BCL2: variants seen among roughly 807,000 people sequenced by gnomAD.
The protein encoded by BCL2 is apoptosis regulator Bcl-2.
A neutral mutation model predicts 14.2 loss-of-function variants in BCL2; 1 was observed. That is an observed-to-expected ratio of 0.07 (90% CI 0.02 to 0.33). The LOEUF (loss-of-function observed/expected upper bound fraction) is 0.33, where lower values mean the gene tolerates loss of function less well. Among genes scored for constraint, BCL2 ranks in the 10% least tolerant of loss-of-function variants. BCL2 has a pLI of 0.99. For missense variants in BCL2, 247 were observed against 305.9 expected, an observed-to-expected ratio of 0.81 and a Z score of 1.44; for synonymous variants, 151 against 137.2, an observed-to-expected ratio of 1.10 and a Z score of -0.70.
chr18:63,201,507 A>G (rs1351281989), intron 2 of BCL2, among the ~76,000 whole-genome samples: 1 of 152,214 alleles, frequency 6.6e-6, no homozygotes, highest in Non-Finnish European at 1.5e-5. Context: ...GTGTCTTCAT[A>G]GTAGAAGGAT....
Position 63,319,350 on chromosome 18 carries a change from G to A in BCL2, c.-463C>T, listed in dbSNP as rs1030907762. 12 of 228,270 alleles carry A rather than the reference G, an allele frequency of 5.3e-5. No homozygotes were observed. The South Asian group carries it at 1.3e-3, about 24-fold the overall frequency. 14.1% of individuals were successfully genotyped at this position (228,270 alleles called of 1,614,324 possible). A position where few individuals can be genotyped will look rare whatever the true frequency, so the allele number is the denominator to read the frequency against. ...GGAGTAAAAATTAGGAGGATTTCCAGATCGATTCCCAGACTTCTGCTTCAC... is the reference window on the plus strand; with the variant it reads ...GGAGTAAAAATTAGGAGGATTTCCAAATCGATTCCCAGACTTCTGCTTCAC... On this transcript the variant is annotated 5_prime_UTR_variant, in exon 1 of 3. Coordinates refer to ENST00000333681, the MANE Select transcript of BCL2 (RefSeq NM_000633.3).
intron 2 of BCL2, among the ~76,000 whole-genome samples, chr18:63,287,332 T>C: frequency 6.6e-6 from 1 of 152,166 alleles, no homozygotes; most frequent in South Asian, 2.1e-4. Context: ...TTTCTCAAGG[T>C]GCTCAACAGA....
chr18:63,170,070 T>C (rs1915185896), intron 2 of BCL2, among the ~76,000 whole-genome samples: 1 of 152,170 alleles, frequency 6.6e-6, no homozygotes, highest in Non-Finnish European at 1.5e-5. Flanking sequence ...GCTTTAAACC[T>C]GGCTCAGTCA....
intron 2 of BCL2, among the ~76,000 whole-genome samples, chr18:63,298,847 G>A (rs1912873907): frequency 6.6e-6 from 1 of 152,104 alleles, no homozygotes. Flanking sequence ...TCTGCATCCT[G>A]CCACCACTTA....
intron 2 of BCL2, among the ~76,000 whole-genome samples, chr18:63,250,328 G>A (rs1024787522): frequency 1.3e-5 from 2 of 152,220 alleles, no homozygotes; most frequent in Admixed American, 1.3e-4. Context: ...AATGAATTAA[G>A]TTAATGAAGT....
intron 2 of BCL2, among the ~76,000 whole-genome samples, chr18:63,213,690 T>G (rs540408899): frequency 6.6e-4 from 101 of 152,272 alleles, no homozygotes; most frequent in Middle Eastern, 3.4e-3. Context: ...GAGAATGCAC[T>G]GAAGAATGAT....
rs991851646 is a variant in BCL2 at position 63,125,816 on chromosome 18, G to A, written c.*2809C>T. 4.6e-6 allele frequency: 1 copy of A among 217,966 alleles called. No homozygotes were observed. The highest frequency in any genetic ancestry group is 6.7e-5 in the East Asian group (1 of 14,990). The allele number at this position is 217,966 out of a possible 1,614,324, so 13.5% of individuals were successfully genotyped here. On this transcript the variant is annotated 3_prime_UTR_variant, in exon 3 of 3. Transcript: ENST00000333681. ...GCAGCCACAATACTGTACAGTTCTG[G>A]GGCCAAGAGGCTGGGCACATTTACT...
At chr18:63,177,570 T>C (rs1386822518) in intron 2 of BCL2, among the ~76,000 whole-genome samples, 1 of 152,246 alleles carries the variant, frequency 6.6e-6, no homozygotes, top group Non-Finnish European at 1.5e-5. Context: ...CCTGGCGCGT[T>C]TAGACAACTG....
intron 2 of BCL2, among the ~76,000 whole-genome samples, chr18:63,230,578 T>C (rs1910663321): frequency 6.6e-6 from 1 of 152,044 alleles, no homozygotes; most frequent in South Asian, 2.1e-4. Context: ...GGTAAATATT[T>C]GACAAGATTG....
At chr18:63,202,582 A>C (rs1482068280) in intron 2 of BCL2, among the ~76,000 whole-genome samples, 2 of 152,198 alleles carry the variant, frequency 1.3e-5, no homozygotes, top group Admixed American at 6.5e-5. Context: ...GATGCCACAG[A>C]GACAAACATG....
chr18:63,272,415 A>G (rs1186318672), intron 2 of BCL2, among the ~76,000 whole-genome samples: 1 of 152,228 alleles, frequency 6.6e-6, no homozygotes, highest in East Asian at 1.9e-4. Flanking sequence ...ACCTACATAG[A>G]GCATTTTAAA....
chr18:63,223,943 A>G (rs2144165429), intron 2 of BCL2, among the ~76,000 whole-genome samples: 1 of 152,216 alleles, frequency 6.6e-6, no homozygotes, highest in East Asian at 1.9e-4. Context: ...AGACTGAAAA[A>G]GACAACATGG....
chr18:63,125,410 G>A lies in BCL2; in HGVS notation c.*3215C>T, dbSNP rs1196529933. ...AGCTGTCATTCTGGCCTCTCTTGCG[G>A]AGTATTTGTGCAGCGAGGGACTGGG... On this transcript the variant is annotated 3_prime_UTR_variant, in exon 3 of 3. Transcript: ENST00000333681. 1.3e-5 allele frequency: 3 copies of A among 223,552 alleles called. No individual in the cohort carries two copies. The highest frequency in any genetic ancestry group is 6.7e-5 in the African/African-American group (3 of 44,802). 13.8% of individuals were successfully genotyped at this position (223,552 alleles called of 1,614,324 possible).
intron 2 of BCL2, among the ~76,000 whole-genome samples, chr18:63,144,031 G>C (rs1465643483): frequency 1.3e-5 from 2 of 152,220 alleles, no homozygotes; most frequent in Non-Finnish European, 2.9e-5. Context: ...ATAAGCTCAA[G>C]TTTGGGCTGG....
intron 2 of BCL2, among the ~76,000 whole-genome samples, chr18:63,296,451 C>A (rs559378553): frequency 3.3e-5 from 5 of 152,246 alleles, no homozygotes; most frequent in Non-Finnish European, 5.9e-5. Flanking sequence ...TACAGGCACA[C>A]GCCACCATGA....
intron 2 of BCL2, among the ~76,000 whole-genome samples, chr18:63,214,183 CAAG>C (rs1235622170): frequency 2.0e-5 from 3 of 152,126 alleles, no homozygotes; most frequent in African/African-American, 4.8e-5. Flanking sequence ...AGATGGGAAG[CAAG>C]AAGGACAGGA....
intron 2 of BCL2, among the ~76,000 whole-genome samples, chr18:63,313,104 T>C (rs1297454611): frequency 6.6e-6 from 1 of 152,202 alleles, no homozygotes; most frequent in Non-Finnish European, 1.5e-5. Context: ...AGTTATTTGC[T>C]TTTTTCCTCT....
At chr18:63,271,765 T>C (rs1912010075) in intron 2 of BCL2, among the ~76,000 whole-genome samples, 1 of 152,220 alleles carries the variant, frequency 6.6e-6, no homozygotes, top group Non-Finnish European at 1.5e-5. Flanking sequence ...ACAAAAGGTT[T>C]TGGACATCAT....
chr18:63,172,798 A>G (rs1295523856), intron 2 of BCL2, among the ~76,000 whole-genome samples: 1 of 152,152 alleles, frequency 6.6e-6, no homozygotes, highest in Admixed American at 6.5e-5. Flanking sequence ...AAAAACAAAA[A>G]ACAAAAACAG....
Sources: allele counts gnomAD v4.1 joint callset (sites outside exome capture counted in the v4.1 genomes callset), GRCh38; gene constraint gnomAD v4.1.1; transcripts MANE v1.5; gene names NCBI Gene and HGNC (gene_info 2026-07-23, HGNC 2026-07-21).